The following NAV3 variants were observed in gnomAD, a reference collection of about 807,000 sequenced individuals.
The protein encoded by NAV3 is pore membrane and/or filament interacting like protein 1.
A neutral mutation model predicts 244.7 loss-of-function variants in NAV3; 87 were observed. The ratio of observed to expected loss-of-function variants is 0.36; its 90% CI spans 0.30 to 0.42. The LOEUF (loss-of-function observed/expected upper bound fraction) is 0.42, where lower values mean the gene tolerates loss of function less well. NAV3 is among the 20% of genes least tolerant of loss of function. NAV3 has a pLI of 1.00. For synonymous variants in NAV3, 1,126 were observed against 1,042.2 expected, an observed-to-expected ratio of 1.08 and a Z score of -1.55; for missense variants, 2,663 against 2,893.3, an observed-to-expected ratio of 0.92 and a Z score of 1.83.
At chr12:78,207,279 A>G (rs1342656822) in intron 39 of NAV3, among the ~76,000 whole-genome samples, 1 of 152,120 alleles carries the variant, frequency 6.6e-6, no homozygotes, top group Non-Finnish European at 1.5e-5. Context: ...GACTTTTTGA[A>G]TCTGAATGAG....
At chr12:78,010,106 T>A (rs2136644589) in intron 8 of NAV3, among the ~76,000 whole-genome samples, 1 of 152,246 alleles carries the variant, frequency 6.6e-6, no homozygotes, top group East Asian at 1.9e-4. Context: ...AGTCTATATA[T>A]AAAGTAATAT....
At chr12:77,750,606 A>C (rs373184050) in intron 2 of NAV3, among the ~76,000 whole-genome samples, 94 of 151,938 alleles carry the variant, frequency 6.2e-4, no homozygotes, top group African/African-American at 2.1e-3. Context: ...CAGAGCTGGG[A>C]GGGATATAGG....
At chr12:77,627,108 A>AAAC (rs376278136) in intron 2 of NAV3, among the ~76,000 whole-genome samples, 9 of 152,156 alleles carry the variant, frequency 5.9e-5, no homozygotes, top group African/African-American at 1.9e-4. Context: ...AGATTTATAA[A>AAAC]AACAACAACA....
intron 12 of NAV3, among the ~76,000 whole-genome samples, chr12:78,098,550 A>G (rs1954373196): frequency 6.6e-6 from 1 of 151,930 alleles, no homozygotes; most frequent in African/African-American, 2.4e-5. Flanking sequence ...AAAAGAAGGA[A>G]GAGGAGGAGA....
intron 9 of NAV3, chr12:78,037,330 A>T: frequency 1.4e-6 from 1 of 702,970 alleles, no homozygotes; most frequent in Non-Finnish European, 2.6e-6. Context: ...CTGGATGAGG[A>T]GGTGATCCTT....
At chr12:77,937,016 A>G (rs948855854) in intron 1 of NAV3, among the ~76,000 whole-genome samples, 1 of 152,112 alleles carries the variant, frequency 6.6e-6, no homozygotes, top group Non-Finnish European at 1.5e-5. Context: ...CACCATCTAG[A>G]TTATAATATC....
At chr12:78,188,103 ATG>A (rs1958807735) in intron 31 of NAV3, 143 bp from the exon 32 acceptor site, 4 of 609,892 alleles carry the variant, frequency 6.6e-6, no homozygotes, top group African/African-American at 3.8e-5. Flanking sequence ...ATAATCCACC[ATG>A]TGTGTCTGTT....
At chr12:77,735,106 G>A (rs1201872327) in intron 2 of NAV3, among the ~76,000 whole-genome samples, 2 of 152,076 alleles carry the variant, frequency 1.3e-5, no homozygotes, top group Non-Finnish European at 2.9e-5. Flanking sequence ...AGATATCAAG[G>A]ACATGATATT....
chr12:77,824,623 T>A (rs1336948910), intron 2 of NAV3, among the ~76,000 whole-genome samples: 2 of 151,906 alleles, frequency 1.3e-5, no homozygotes, highest in African/African-American at 4.8e-5. Flanking sequence ...CCAGGTGCAG[T>A]GGCTAACACC....
At chr12:78,093,011 A>G (rs552012551) in intron 12 of NAV3, among the ~76,000 whole-genome samples, 1 of 152,308 alleles carries the variant, frequency 6.6e-6, no homozygotes, top group South Asian at 2.1e-4. Context: ...TACTTCTTGC[A>G]ATAATTTTCA....
rs1592629415 is a variant in NAV3 at position 77,733,236 on chromosome 12, A to G, written c.72+160970A>G. Among the ~76,000 whole-genome samples, 3 of 152,192 alleles carry G rather than the reference A, an allele frequency of 2.0e-5. 1 individual carries two copies. Among genetic ancestry groups the G allele is most frequent in the Admixed American group, 2.0e-4 (3 of 15,264 alleles). On this transcript the variant is annotated intron_variant, in intron 2 of 8. Transcript: ENST00000550042. ...TGAGAGGCATTAAGGAGGTACGTTTAATAAGATTTAGTGAAAGATTGGAAT... is the reference window on the plus strand; with the variant it reads ...TGAGAGGCATTAAGGAGGTACGTTTGATAAGATTTAGTGAAAGATTGGAAT...
At chr12:77,918,359 A>G (rs892396201) in intron 1 of NAV3, among the ~76,000 whole-genome samples, 1 of 151,560 alleles carries the variant, frequency 6.6e-6, no homozygotes, top group African/African-American at 2.4e-5. Context: ...TTGGCTGAGT[A>G]TCATTATAGC....
At chr12:78,065,082 A>G (rs907013502) in intron 12 of NAV3, among the ~76,000 whole-genome samples, 1 of 152,116 alleles carries the variant, frequency 6.6e-6, no homozygotes, top group Non-Finnish European at 1.5e-5. Context: ...AAAGCAGGAG[A>G]GAGTGAAGAT....
At chr12:77,745,006 G>C (rs534370332) in intron 2 of NAV3, among the ~76,000 whole-genome samples, 1 of 152,030 alleles carries the variant, frequency 6.6e-6, no homozygotes, top group African/African-American at 2.4e-5. Flanking sequence ...GCATTTCAAA[G>C]GGTAAGCCAT....
intron 2 of NAV3, among the ~76,000 whole-genome samples, chr12:77,586,921 C>G (rs1869642577): frequency 1.3e-5 from 2 of 152,070 alleles, no homozygotes; most frequent in Non-Finnish European, 2.9e-5. Flanking sequence ...GAATGAGAAT[C>G]AGAGTTTGAT....
intron 2 of NAV3, among the ~76,000 whole-genome samples, chr12:77,704,338 T>C (rs1312352988): frequency 6.6e-6 from 1 of 152,184 alleles, no homozygotes; most frequent in Non-Finnish European, 1.5e-5. Context: ...ATCACATTTG[T>C]AGCAGAAGTG....
intron 2 of NAV3, among the ~76,000 whole-genome samples, chr12:77,825,112 C>T (rs1177416651): frequency 1.3e-5 from 2 of 152,206 alleles, no homozygotes; most frequent in African/African-American, 2.4e-5. Context: ...GAATTTTGTA[C>T]CCAGAAAATA....
chr12:78,020,200 A>C (rs1180222050), intron 8 of NAV3, among the ~76,000 whole-genome samples: 2 of 152,194 alleles, frequency 1.3e-5, no homozygotes, highest in Non-Finnish European at 2.9e-5. Context: ...AATAAAGTAG[A>C]ATCCAGAGAA....
chr12:78,038,311 T>C (rs114152521), intron 9 of NAV3, among the ~76,000 whole-genome samples: 323 of 152,346 alleles, frequency 2.1e-3, no homozygotes, highest in African/African-American at 7.4e-3. Flanking sequence ...TCAATGTGTA[T>C]TTCCACAAAG....
Sources: gnomAD v4.1 joint callset for allele counts (sites outside exome capture counted in the v4.1 genomes callset) on GRCh38, gnomAD v4.1.1 for gene constraint, MANE v1.5 for transcripts, NCBI Gene and HGNC (gene_info 2026-07-23, HGNC 2026-07-21) for gene names.